Variants in DSCAM observed in about 807,000 individuals in gnomAD.
The protein encoded by DSCAM is cell adhesion molecule DSCAM.
In DSCAM, 47 loss-of-function variants were observed where a neutral mutation model predicts 217.7. The ratio of observed to expected loss-of-function variants is 0.22; its 90% CI spans 0.17 to 0.28. The LOEUF is 0.28. Ranked by LOEUF, DSCAM falls within the 10% of genes least tolerant of loss-of-function variation. The probability of loss-of-function intolerance (pLI) is 1.00; values close to 1 mark genes in which losing one functional copy is unlikely to be tolerated. For missense variants in DSCAM, 2,080 were observed against 2,618.3 expected, an observed-to-expected ratio of 0.79 and a Z score of 4.49; for synonymous variants, 1,056 against 1,015.3, an observed-to-expected ratio of 1.04 and a Z score of -0.76.
chr21:40,027,114 T>G (rs1276262987), intron 32 of DSCAM, among the ~76,000 whole-genome samples: 1 of 152,274 alleles, frequency 6.6e-6, no homozygotes, highest in African/African-American at 2.4e-5. Flanking sequence ...TGTAAAGTAT[T>G]TTATTTCTCC....
intron 3 of DSCAM, among the ~76,000 whole-genome samples, chr21:40,430,724 T>C (rs1215086094): frequency 2.0e-5 from 3 of 152,256 alleles, no homozygotes; most frequent in Non-Finnish European, 1.5e-5. Context: ...ACCGCTGGAC[T>C]CCTGTCTATC....
intron 20 of DSCAM, among the ~76,000 whole-genome samples, chr21:40,109,623 G>A (rs572929093): frequency 3.9e-5 from 6 of 152,356 alleles, no homozygotes; most frequent in East Asian, 3.9e-4. Flanking sequence ...GCGAGGCATC[G>A]CCTCACCCAG....
chr21:40,688,305 C>G (rs966064700), intron 3 of DSCAM, among the ~76,000 whole-genome samples: 1 of 152,170 alleles, frequency 6.6e-6, no homozygotes, highest in Non-Finnish European at 1.5e-5. Flanking sequence ...GAAGGCTGGG[C>G]TCTCTTACTG....
chr21:40,670,229 ATTG>A (rs2090255967), intron 3 of DSCAM, among the ~76,000 whole-genome samples: 1 of 152,178 alleles, frequency 6.6e-6, no homozygotes, highest in African/African-American at 2.4e-5. Flanking sequence ...ACAGTTCAGT[ATTG>A]TTAACTCGGT....
chr21:40,576,933 C>T (rs977742610), intron 3 of DSCAM, among the ~76,000 whole-genome samples: 90 of 150,396 alleles, frequency 6.0e-4, no homozygotes, highest in African/African-American at 2.1e-3. Context: ...CACTTTGAGA[C>T]GAGTATACAT....
rs568398562 is a variant in DSCAM, at chr21:40,370,607, T to C, written c.509-1362A>G. On this transcript the variant is annotated intron_variant, in intron 3 of 32. Transcript: ENST00000400454. ...ATCATGCATAGGTCAGTTTCTCAGA[T>C]AAATTAAAAATGGTTTATGGTTTTT... Among the ~76,000 whole-genome samples, 20 of 149,772 alleles carry C rather than the reference T, an allele frequency of 1.3e-4. No individual in the cohort carries two copies. In the South Asian group the frequency reaches 3.1e-3, roughly 23 times the overall value.
At chr21:40,435,142 C>A (rs985004618) in intron 3 of DSCAM, among the ~76,000 whole-genome samples, 1 of 152,230 alleles carries the variant, frequency 6.6e-6, no homozygotes, top group Non-Finnish European at 1.5e-5. Flanking sequence ...TTTTCCAGTT[C>A]TGAAGTCTGG....
At chr21:40,758,617 T>C (rs577447581) in intron 1 of DSCAM, among the ~76,000 whole-genome samples, 3 of 152,266 alleles carry the variant, frequency 2.0e-5, no homozygotes, top group African/African-American at 7.2e-5. Flanking sequence ...GATTTTCTTA[T>C]TTTGGGGGGT....
intron 8 of DSCAM, among the ~76,000 whole-genome samples, chr21:40,330,883 T>C (rs2074371218): frequency 6.6e-6 from 1 of 152,222 alleles, no homozygotes; most frequent in Admixed American, 6.5e-5. Flanking sequence ...ATTTAATACG[T>C]TACCATTCTA....
chr21:40,147,562 C>A (rs1347943515), intron 16 of DSCAM, among the ~76,000 whole-genome samples: 5 of 152,144 alleles, frequency 3.3e-5, no homozygotes, highest in Non-Finnish European at 7.4e-5. Context: ...GATACTTCTG[C>A]AAAATATTGT....
chr21:40,381,620 C>G (rs2075026380), intron 3 of DSCAM, among the ~76,000 whole-genome samples: 1 of 152,162 alleles, frequency 6.6e-6, no homozygotes, highest in Non-Finnish European at 1.5e-5. Context: ...TGGCAAAACA[C>G]ATTGAAAATT....
At chr21:40,242,186 G>C (rs2073162719) in intron 11 of DSCAM, among the ~76,000 whole-genome samples, 1 of 150,630 alleles carries the variant, frequency 6.6e-6, no homozygotes, top group Admixed American at 6.6e-5. Flanking sequence ...AAATGACTTT[G>C]TTAGATGGAC....
chr21:40,281,963 G>A (rs551052085), intron 10 of DSCAM, among the ~76,000 whole-genome samples: 5 of 152,038 alleles, frequency 3.3e-5, no homozygotes, highest in Non-Finnish European at 7.4e-5. Flanking sequence ...AATATTATCA[G>A]CTAGTTTTTA....
chr21:40,676,863 A>T (rs2090345864), intron 3 of DSCAM, among the ~76,000 whole-genome samples: 2 of 152,152 alleles, frequency 1.3e-5, no homozygotes, highest in Non-Finnish European at 2.9e-5. Flanking sequence ...TCGCTTGGAA[A>T]TCAGAACTGT....
chr21:40,511,691 AC>A, intron 3 of DSCAM, among the ~76,000 whole-genome samples: 1 of 151,980 alleles, frequency 6.6e-6, no homozygotes, highest in East Asian at 1.9e-4. Flanking sequence ...TCTTTCACCA[AC>A]CTACAAAAAG....
intron 3 of DSCAM, among the ~76,000 whole-genome samples, chr21:40,453,163 G>A (rs1417202179): frequency 6.6e-6 from 1 of 151,292 alleles, no homozygotes; most frequent in Non-Finnish European, 1.5e-5. Flanking sequence ...GTGAATTACT[G>A]CATAAAATCA....
chr21:40,561,231 C>T (rs1276181133), intron 3 of DSCAM, among the ~76,000 whole-genome samples: 1 of 152,150 alleles, frequency 6.6e-6, no homozygotes, highest in Non-Finnish European at 1.5e-5. Context: ...ATGATGGTAA[C>T]AGTCTAAAAT....
chr21:40,312,520 A>C (rs2074150658), intron 8 of DSCAM, among the ~76,000 whole-genome samples, 161 bp from the exon 9 acceptor site: 1 of 152,202 alleles, frequency 6.6e-6, no homozygotes, highest in Non-Finnish European at 1.5e-5. Context: ...TATTATTTGA[A>C]TGTTCTCATC....
At chr21:40,845,338 T>G (rs905107249) in intron 1 of DSCAM, among the ~76,000 whole-genome samples, 1 of 152,210 alleles carries the variant, frequency 6.6e-6, no homozygotes, top group Non-Finnish European at 1.5e-5. Context: ...TTGACAATGC[T>G]CATGCATTTC....
Sources: gnomAD v4.1 joint callset for allele counts (sites outside exome capture counted in the v4.1 genomes callset) on GRCh38, gnomAD v4.1.1 for gene constraint, MANE v1.5 for transcripts, NCBI Gene and HGNC (gene_info 2026-07-23, HGNC 2026-07-21) for gene names.